Variants in TPRG1 observed in about 807,000 individuals in gnomAD.
TPRG1 encodes the protein tumor protein p63 regulated 1, also known as tumor protein p63-regulated gene 1 protein.
TPRG1 carries 29 observed loss-of-function variants against 29.3 expected under a neutral mutation model. The observed-to-expected ratio is 0.99, with a 90% CI of 0.74 to 1.35. The LOEUF (loss-of-function observed/expected upper bound fraction) is 1.35, where lower values mean the gene tolerates loss of function less well. Among genes scored for constraint, TPRG1 ranks in the 40% most tolerant of loss-of-function variants. The pLI, the probability that TPRG1 is intolerant of heterozygous loss-of-function variation, is 0.00. For synonymous variants in TPRG1, 130 were observed against 116.8 expected, an observed-to-expected ratio of 1.11 and a Z score of -0.73; for missense variants, 327 against 335.0, an observed-to-expected ratio of 0.98 and a Z score of 0.19.
intron 1 of TPRG1, among the ~76,000 whole-genome samples, chr3:189,115,777 G>A (rs576992014): frequency 1.3e-5 from 2 of 152,260 alleles, no homozygotes; most frequent in South Asian, 4.1e-4. Flanking sequence ...TCACTATGGA[G>A]GAGGCCAAGG....
At chr3:189,048,779 T>C (rs1715125331) in intron 4 of TPRG1, among the ~76,000 whole-genome samples, 1 of 152,096 alleles carries the variant, frequency 6.6e-6, no homozygotes, top group South Asian at 2.1e-4. Context: ...AAGCGAATGC[T>C]CCTGCAGGAC....
At chr3:189,038,429 T>C (rs1286857172) in intron 4 of TPRG1, among the ~76,000 whole-genome samples, 1 of 152,116 alleles carries the variant, frequency 6.6e-6, no homozygotes, top group Non-Finnish European at 1.5e-5. Flanking sequence ...AAGCATATAG[T>C]ATTGGCAAAA....
chr3:189,039,662 G>GA (rs1714504612), intron 4 of TPRG1, among the ~76,000 whole-genome samples: 1 of 152,140 alleles, frequency 6.6e-6, no homozygotes, highest in Admixed American at 6.5e-5. Context: ...CATTTCTATT[G>GA]AAAACCACAA....
chr3:189,233,812 T>C (rs1445862536), intron 3 of TPRG1, among the ~76,000 whole-genome samples: 1 of 152,068 alleles, frequency 6.6e-6, no homozygotes, highest in Non-Finnish European at 1.5e-5. Context: ...CACTGTAACA[T>C]AGAGAAAACT....
chr3:189,198,161 T>G (rs2108766537), intron 1 of TPRG1, among the ~76,000 whole-genome samples: 1 of 152,302 alleles, frequency 6.6e-6, no homozygotes, highest in South Asian at 2.1e-4. Flanking sequence ...GCACACACCA[T>G]ATTACCTGCC....
intron 4 of TPRG1, chr3:189,240,624 C>T (rs534316167): frequency 6.6e-6 from 1 of 152,190 alleles, no homozygotes; most frequent in Non-Finnish European, 1.5e-5. Context: ...CCTAATGAGA[C>T]TCATTCACTA....
chr3:189,180,092 C>A (rs1457913719), intron 1 of TPRG1, among the ~76,000 whole-genome samples: 3 of 152,112 alleles, frequency 2.0e-5, no homozygotes, highest in Admixed American at 2.0e-4. Flanking sequence ...CTTTTTAAAA[C>A]CATCAGATCC....
intron 4 of TPRG1, among the ~76,000 whole-genome samples, chr3:189,075,060 C>T (rs1170641422): frequency 6.6e-6 from 1 of 152,112 alleles, no homozygotes; most frequent in Non-Finnish European, 1.5e-5. Context: ...ATCCACCTAC[C>T]TCGGCCTCCC....
At chr3:189,041,856 A>C (rs1303852109) in intron 4 of TPRG1, among the ~76,000 whole-genome samples, 1 of 152,204 alleles carries the variant, frequency 6.6e-6, no homozygotes, top group Non-Finnish European at 1.5e-5. Flanking sequence ...AGAACTGTTT[A>C]TTTCCTTAGG....
chr3:189,155,142 A>G (rs923505570), intron 5 of TPRG1, among the ~76,000 whole-genome samples: 17 of 152,154 alleles, frequency 1.1e-4, no homozygotes, highest in African/African-American at 4.1e-4. Flanking sequence ...GCAGGAGGAA[A>G]AAGCCAGGAG....
chr3:189,252,268 T>C (rs1460287426), intron 4 of TPRG1, among the ~76,000 whole-genome samples: 1 of 152,152 alleles, frequency 6.6e-6, no homozygotes, highest in Non-Finnish European at 1.5e-5. Context: ...CAGAGCAAAA[T>C]GGAGTCTCCT....
intron 5 of TPRG1, among the ~76,000 whole-genome samples, chr3:189,320,140 A>G (rs1577061949): frequency 1.3e-5 from 2 of 151,872 alleles, no homozygotes; most frequent in African/African-American, 2.4e-5. Context: ...TGTGAGCTCC[A>G]TGACAGCGGG....
intron 4 of TPRG1, among the ~76,000 whole-genome samples, chr3:189,024,406 A>T (rs776746804): frequency 2.2e-4 from 33 of 151,850 alleles, no homozygotes; most frequent in Non-Finnish European, 4.6e-4. Context: ...CCCCTCTCCC[A>T]GGGCACTCTA....
intron 3 of TPRG1, among the ~76,000 whole-genome samples, chr3:189,146,334 G>A (rs1053538988): frequency 3.3e-5 from 5 of 152,206 alleles, no homozygotes; most frequent in African/African-American, 4.8e-5. Flanking sequence ...GAAGGCGCCC[G>A]TAAGTCTCTC....
At chr3:189,031,145 T>G (rs932779208) in intron 4 of TPRG1, among the ~76,000 whole-genome samples, 2 of 151,846 alleles carry the variant, frequency 1.3e-5, no homozygotes, top group Non-Finnish European at 2.9e-5. Flanking sequence ...CAAAAAATTA[T>G]CCAGACGTGG....
At chr3:189,207,723 A>G (rs746292590) in intron 2 of TPRG1, 129 bp downstream of exon 2, 3 of 845,744 alleles carry the variant, frequency 3.5e-6, no homozygotes, top group Non-Finnish European at 5.6e-6. Context: ...ATAATCATGA[A>G]GTAGCTATCC....
At chr3:189,274,293 A>G (rs1715723385) in intron 4 of TPRG1, among the ~76,000 whole-genome samples, 1 of 152,178 alleles carries the variant, frequency 6.6e-6, no homozygotes, top group Admixed American at 6.5e-5. Context: ...TTATCTCACT[A>G]TCATTGGAGG....
chr3:189,232,367 T>C (rs1048475089), intron 3 of TPRG1, among the ~76,000 whole-genome samples: 1 of 152,204 alleles, frequency 6.6e-6, no homozygotes, highest in Non-Finnish European at 1.5e-5. Flanking sequence ...TTGAGATTTT[T>C]ACCAAACAGC....
intron 4 of TPRG1, among the ~76,000 whole-genome samples, chr3:189,279,575 T>C (rs962538700): frequency 1.3e-5 from 2 of 152,232 alleles, no homozygotes; most frequent in African/African-American, 4.8e-5. Flanking sequence ...GACATAATTT[T>C]ACCTTTCTCA....
Sources: allele counts gnomAD v4.1 joint callset (sites outside exome capture counted in the v4.1 genomes callset), GRCh38; gene constraint gnomAD v4.1.1; transcripts MANE v1.5; gene names NCBI Gene and HGNC (gene_info 2026-07-23, HGNC 2026-07-21).